Variants in VAV2 observed in about 807,000 individuals in gnomAD.
The protein encoded by VAV2 is vav guanine nucleotide exchange factor 2.
In VAV2, 67 loss-of-function variants were observed where a neutral mutation model predicts 132.5. That is an observed-to-expected ratio of 0.51 (90% CI 0.42 to 0.62). The LOEUF is 0.62. VAV2 is among the 20% of genes least tolerant of loss of function. The pLI, the probability that VAV2 is intolerant of heterozygous loss-of-function variation, is 0.00. For missense variants in VAV2, 938 were observed against 1,153.6 expected, an observed-to-expected ratio of 0.81 and a Z score of 2.71; for synonymous variants, 492 against 443.5, an observed-to-expected ratio of 1.11 and a Z score of -1.37.
At chr9:133,893,539 T>G (rs1401048050) in intron 2 of VAV2, among the ~76,000 whole-genome samples, 2 of 152,070 alleles carry the variant, frequency 1.3e-5, no homozygotes, top group Non-Finnish European at 2.9e-5. Flanking sequence ...AAGCAAAATC[T>G]AGACAAAGGA....
intron 3 of VAV2, among the ~76,000 whole-genome samples, chr9:133,851,424 G>A (rs773226270): frequency 7.2e-5 from 11 of 152,168 alleles, no homozygotes; most frequent in South Asian, 4.1e-4. Flanking sequence ...CCAAAGGGCC[G>A]GTGAGGACAC....
At chr9:133,841,084 C>T (rs966131105) in intron 3 of VAV2, among the ~76,000 whole-genome samples, 5 of 152,150 alleles carry the variant, frequency 3.3e-5, no homozygotes, top group Non-Finnish European at 7.4e-5. Context: ...ACCCTAAACA[C>T]AGCTGCCCTC....
Position 133,807,324 on chromosome 9 carries a change from G to A in VAV2, c.669C>T (p.Asn223=), listed in dbSNP as rs1835188935. The A allele has an allele frequency of 6.2e-7, 1 of 1,608,990 alleles. No individual in the cohort carries two copies. Among genetic ancestry groups the A allele is most frequent in the Non-Finnish European group, 8.5e-7 (1 of 1,178,332 alleles). The change falls in exon 8 of 30, where the codon AAC becomes AAT. Residue 223 remains asparagine (N), a splice_region_variant and synonymous_variant. Transcript: ENST00000371850. ...GCACCAGCCGCAGGGGGCTCATGTA[G>A]TTCTGGAAGAGAGAAGTCCACCTCT... The part of the protein sequence containing the change: ...YYRTLEDIEK[N]YMSPLRLVLS...
intron 10 of VAV2, among the ~76,000 whole-genome samples, chr9:133,797,164 T>C (rs1834752440): frequency 6.6e-6 from 1 of 152,092 alleles, no homozygotes; most frequent in South Asian, 2.1e-4. Flanking sequence ...TGGGAGGGGC[T>C]CACGTGAGAA....
chr9:133,832,978 G>A (rs994333290), intron 4 of VAV2, among the ~76,000 whole-genome samples: 1 of 152,110 alleles, frequency 6.6e-6, no homozygotes, highest in African/African-American at 2.4e-5. Flanking sequence ...TCCCCTTTAA[G>A]ATGCTCTACA....
At position 133,804,944 on chromosome 9, in the gene VAV2, A is replaced by G. The variant is rs1363497713; in HGVS notation, c.836+1137T>C. 6.6e-6 allele frequency among the ~76,000 whole-genome samples: 1 copy of G among 152,108 alleles called. No homozygotes were observed. The highest frequency in any genetic ancestry group is 1.5e-5 in the Non-Finnish European group (1 of 68,000). ...CGTGTCTCCGGGAACCCTCCAAGCCATGGCCCCTGGAGAGCAGGCTCCAGG... is the reference window on the plus strand; with the variant it reads ...CGTGTCTCCGGGAACCCTCCAAGCCGTGGCCCCTGGAGAGCAGGCTCCAGG... On this transcript the variant is annotated intron_variant, in intron 9 of 29. Coordinates refer to ENST00000371850, the MANE Select transcript of VAV2 (RefSeq NM_001134398.2). This position sits in a 1 kb window ranked among gnomAD's most constrained non-coding sequence, Gnocchi z 4.5.
intron 2 of VAV2, among the ~76,000 whole-genome samples, chr9:133,915,088 G>C (rs1840029851): frequency 6.6e-6 from 1 of 152,138 alleles, no homozygotes; most frequent in African/African-American, 2.4e-5. Context: ...CGCTTGGCCG[G>C]AAGAGCACCG....
In VAV2 at chr9:133,812,283, G is replaced by A. The variant is rs1835388965; in HGVS notation, c.450-67C>T. On this transcript the variant is annotated intron_variant, in intron 4 of 29. Transcript: ENST00000371850. ...GCCACCCTGACCGGGGAGCCGCAGA[G>A]CACGAGGGTCCACGAGGGACGCAGG... The A allele has an allele frequency of 2.6e-6, 4 of 1,518,630 alleles. No homozygotes were observed. The African/African-American group carries it at 4.1e-5, about 16-fold the overall frequency. 94.1% of individuals were successfully genotyped at this position (1,518,630 alleles called of 1,614,324 possible). A position where few individuals can be genotyped will look rare whatever the true frequency, so the allele number is the denominator to read the frequency against.
chr9:133,936,080 G>C (rs1840898147), intron 2 of VAV2, among the ~76,000 whole-genome samples: 1 of 152,120 alleles, frequency 6.6e-6, no homozygotes, highest in Non-Finnish European at 1.5e-5. Context: ...TTTGAGGGTG[G>C]GAGTGTCACC....
rs895168069 is a variant in VAV2, at chr9:133,823,818, A to T, written c.449+10454T>A. ...GTCCTGAAAGCACTCGAGTTTAACG[A>T]GGTATTAAAAATGAAAACCCCTGGA... On this transcript the variant is annotated intron_variant, in intron 4 of 29. Coordinates refer to ENST00000371850, the MANE Select transcript of VAV2 (RefSeq NM_001134398.2). The surrounding 1 kb of genome is among the most constrained non-coding windows in gnomAD (Gnocchi z 5.5). Among the ~76,000 whole-genome samples, 2 of 152,182 alleles carry T rather than the reference A, an allele frequency of 1.3e-5. No individual in the cohort carries two copies. The highest frequency in any genetic ancestry group is 4.8e-5 in the African/African-American group (2 of 41,446).
rs1206862492 is a variant in VAV2 at position 133,857,735 on chromosome 9, G to A, written c.380+3639C>T. Among the ~76,000 whole-genome samples the A allele has an allele frequency of 1.3e-5, 2 of 152,224 alleles. No individual in the cohort carries two copies. Among genetic ancestry groups the A allele is most frequent in the African/African-American group, 2.4e-5 (1 of 41,456 alleles). On this transcript the variant is annotated intron_variant, in intron 3 of 29. Coordinates refer to ENST00000371850, the MANE Select transcript of VAV2 (RefSeq NM_001134398.2). This position sits in a 1 kb window ranked among gnomAD's most constrained non-coding sequence, Gnocchi z 4.0. ...TGCTCAGACGCAGCCACCAAGTGGGGCTGCCTGGGAGGGTTGCCTGTCACC... is the reference window on the plus strand; with the variant it reads ...TGCTCAGACGCAGCCACCAAGTGGGACTGCCTGGGAGGGTTGCCTGTCACC...
intron 3 of VAV2, among the ~76,000 whole-genome samples, chr9:133,848,311 G>T (rs1326559480): frequency 7.2e-6 from 1 of 138,408 alleles, no homozygotes; most frequent in Non-Finnish European, 1.6e-5. Context: ...AAAATCCAAA[G>T]CAATGAAGAT....
intron 2 of VAV2, among the ~76,000 whole-genome samples, chr9:133,925,452 A>G (rs1427851894): frequency 1.3e-5 from 2 of 152,236 alleles, no homozygotes; most frequent in African/African-American, 4.8e-5. Context: ...TCCTGAGCTC[A>G]GGCAATCCAC....
At chr9:133,907,047 C>CG (rs1329287086) in intron 2 of VAV2, among the ~76,000 whole-genome samples, 1 of 152,188 alleles carries the variant, frequency 6.6e-6, no homozygotes, top group South Asian at 2.1e-4. Context: ...TGGCCGGCGG[C>CG]GGGGGGAGGG....
chr9:133,876,311 C>T (rs1838260769), intron 2 of VAV2, among the ~76,000 whole-genome samples: 2 of 152,276 alleles, frequency 1.3e-5, no homozygotes, highest in Admixed American at 6.5e-5. Flanking sequence ...TTCAGGCACG[C>T]CCTGCTCCCA....
At chr9:133,785,146 G>T (rs923172211) in intron 17 of VAV2, among the ~76,000 whole-genome samples, 2 of 152,076 alleles carry the variant, frequency 1.3e-5, no homozygotes, top group Non-Finnish European at 2.9e-5. Context: ...TCCCAAAAAG[G>T]CCAGAACACA....
At chr9:133,976,960 C>A (rs866034368) in intron 1 of VAV2, among the ~76,000 whole-genome samples, 12 of 152,224 alleles carry the variant, frequency 7.9e-5, no homozygotes, top group African/African-American at 2.7e-4. Flanking sequence ...AGGTCCTAAC[C>A]ACACTGCCCT....
chr9:133,875,349 C>T (rs550463519), intron 2 of VAV2, among the ~76,000 whole-genome samples: 22 of 152,306 alleles, frequency 1.4e-4, no homozygotes, highest in South Asian at 8.3e-4. Flanking sequence ...GCCACAGCCC[C>T]GGGGAGCTAT....
At chr9:133,974,054 T>C (rs1193783426) in intron 1 of VAV2, among the ~76,000 whole-genome samples, 1 of 152,166 alleles carries the variant, frequency 6.6e-6, no homozygotes, top group Non-Finnish European at 1.5e-5. Flanking sequence ...CCTGGCGCAC[T>C]GTCACGCAGG....
Sources: gnomAD v4.1 joint callset for allele counts (sites outside exome capture counted in the v4.1 genomes callset) on GRCh38, gnomAD v4.1.1 for gene constraint, Gnocchi (gnomAD v3.1) non-coding constraint, MANE v1.5 for transcripts, NCBI Gene and HGNC (gene_info 2026-07-23, HGNC 2026-07-21) for gene names.